TAF4B: variants seen among roughly 807,000 people sequenced by gnomAD.
TAF4B encodes the protein transcription initiation factor TFIID subunit 4B.
Under a neutral mutation model 86.4 loss-of-function variants are expected in TAF4B, and 38 were observed. The ratio of observed to expected loss-of-function variants is 0.44; its 90% CI spans 0.34 to 0.58. The LOEUF is 0.58. Among genes scored for constraint, TAF4B ranks in the 20% least tolerant of loss-of-function variants. The probability of loss-of-function intolerance (pLI) is 0.02; values close to 1 mark genes in which losing one functional copy is unlikely to be tolerated. For missense variants in TAF4B, 988 were observed against 1,027.6 expected (o/e 0.96, Z 0.53); for synonymous variants, 388 against 391.2 (o/e 0.99, Z 0.10).
At chr18:26,240,778 A>G (rs2055825040) in intron 1 of TAF4B, among the ~76,000 whole-genome samples, 1 of 152,176 alleles carries the variant, frequency 6.6e-6, no homozygotes, top group Non-Finnish European at 1.5e-5. Flanking sequence ...TAACTTATTG[A>G]GAGTTTTTAG....
intron 9 of TAF4B, among the ~76,000 whole-genome samples, chr18:26,293,906 T>C (rs1366573674): frequency 2.0e-5 from 3 of 152,176 alleles, no homozygotes; most frequent in African/African-American, 4.8e-5. Flanking sequence ...CGTTATTATG[T>C]ACCCTTTTGC....
At chr18:26,255,321 A>G (rs1448995375) in intron 1 of TAF4B, among the ~76,000 whole-genome samples, 19 of 152,152 alleles carry the variant, frequency 1.2e-4, no homozygotes, top group Admixed American at 1.2e-3. Flanking sequence ...GACTGGGGGA[A>G]ATCAACCCAT....
chr18:26,226,723 A>C lies in TAF4B; in HGVS notation c.-211A>C. ...GCGGGTGTCGCTCCGGGGGCAGCCC[A>C]GGCTCGCGCGGACGAGAGGAAGGTC... On this transcript the variant is annotated 5_prime_UTR_variant, in exon 1 of 15. Transcript: ENST00000269142. 1 of 427,722 alleles carries C rather than the reference A, an allele frequency of 2.3e-6. No homozygotes were observed. Among genetic ancestry groups the C allele is most frequent in the Non-Finnish European group, 4.0e-6 (1 of 247,178 alleles). 26.5% of individuals were successfully genotyped at this position (427,722 alleles called of 1,614,324 possible). A position where few individuals can be genotyped will look rare whatever the true frequency, so the allele number is the denominator to read the frequency against.
At chr18:26,279,223 A>G (rs1253789624) in intron 5 of TAF4B, among the ~76,000 whole-genome samples, 2 of 152,184 alleles carry the variant, frequency 1.3e-5, no homozygotes, top group Non-Finnish European at 1.5e-5. Flanking sequence ...TCTATACACC[A>G]AAAATGTTCT....
At position 26,328,919 on chromosome 18, in the gene TAF4B, T is replaced by C. The variant is rs188287919; in HGVS notation, c.2259+1779T>C. Among the ~76,000 whole-genome samples the C allele has an allele frequency of 4.7e-4, 71 of 152,022 alleles. 1 individual carries two copies. The East Asian group carries it at 0.012, about 25-fold the overall frequency. ...GACTGAGCCACCGTGTCCAGCCTTA[T>C]CTGTACCCTTTTCATTACCCTTTCT... On this transcript the variant is annotated intron_variant, in intron 12 of 14. Transcript: ENST00000269142.
chr18:26,377,662 G>A (rs182694475), intron 14 of TAF4B, among the ~76,000 whole-genome samples: 92 of 152,286 alleles, frequency 6.0e-4, no homozygotes, highest in African/African-American at 2.0e-3. Flanking sequence ...ATACCCAGGC[G>A]TTTTGTTGTT....
intron 12 of TAF4B, among the ~76,000 whole-genome samples, chr18:26,333,272 G>A (rs1461127370): frequency 6.6e-6 from 1 of 151,416 alleles, no homozygotes; most frequent in Non-Finnish European, 1.5e-5. Context: ...CCAGGCTGGA[G>A]TGCAGTGGCC....
chr18:26,330,524 A>G (rs2057041769), intron 12 of TAF4B, among the ~76,000 whole-genome samples: 1 of 152,176 alleles, frequency 6.6e-6, no homozygotes, highest in African/African-American at 2.4e-5. Context: ...AACTGAGCTT[A>G]GGTCATACGG....
At chr18:26,388,858 C>T (rs1436778432) in intron 14 of TAF4B, among the ~76,000 whole-genome samples, 1 of 152,030 alleles carries the variant, frequency 6.6e-6, no homozygotes, top group African/African-American at 2.4e-5. Context: ...CTCTGTTGCC[C>T]AGGCAGGAAT....
chr18:26,355,710 A>G (rs1241359385), intron 13 of TAF4B, among the ~76,000 whole-genome samples: 2 of 152,194 alleles, frequency 1.3e-5, no homozygotes, highest in Non-Finnish European at 2.9e-5. Context: ...TGGTTTGACT[A>G]TCTTGCAGAT....
At chr18:26,282,912 A>G (rs1360288867) in intron 6 of TAF4B, among the ~76,000 whole-genome samples, 1 of 152,220 alleles carries the variant, frequency 6.6e-6, no homozygotes, top group Non-Finnish European at 1.5e-5. Flanking sequence ...TTCTTTGCTC[A>G]TCTGTAAGAA....
intron 7 of TAF4B, among the ~76,000 whole-genome samples, chr18:26,287,859 G>C (rs1034727360): frequency 6.6e-6 from 1 of 152,224 alleles, no homozygotes; most frequent in African/African-American, 2.4e-5. Flanking sequence ...GAATTGGAGA[G>C]TAGTCAGACT....
intron 11 of TAF4B, among the ~76,000 whole-genome samples, chr18:26,325,984 T>C (rs1259695320): frequency 6.6e-6 from 1 of 152,228 alleles, no homozygotes; most frequent in Non-Finnish European, 1.5e-5. Flanking sequence ...GAATCAACCA[T>C]AAGCAGGGGG....
At chr18:26,267,243 G>A (rs2056252567) in intron 2 of TAF4B, 1 of 253,892 alleles carries the variant, frequency 3.9e-6, no homozygotes, top group African/African-American at 2.2e-5. Flanking sequence ...AGATTTTAAT[G>A]TTGAATACTG....
intron 14 of TAF4B, among the ~76,000 whole-genome samples, chr18:26,372,016 C>T (rs1031182176): frequency 7.9e-5 from 12 of 152,112 alleles, no homozygotes; most frequent in African/African-American, 1.7e-4. Flanking sequence ...CCCAAAACAC[C>T]GTTGTTTTCC....
intron 1 of TAF4B, chr18:26,255,749 C>G: frequency 6.3e-7 from 1 of 1,591,116 alleles, no homozygotes; most frequent in Non-Finnish European, 8.6e-7. Context: ...CCTCTGGCTT[C>G]TCGGCAGCTG....
intron 1 of TAF4B, among the ~76,000 whole-genome samples, chr18:26,241,562 G>C (rs202071393): frequency 3.4e-4 from 51 of 152,018 alleles, no homozygotes; most frequent in Admixed American, 2.8e-3. Context: ...TTTTTTTGAA[G>C]GGTTTTTTGT....
At chr18:26,308,245 AAG>A (rs538211929) in intron 9 of TAF4B, among the ~76,000 whole-genome samples, 30 of 152,288 alleles carry the variant, frequency 2.0e-4, no homozygotes, top group Middle Eastern at 3.4e-3. Flanking sequence ...CTTAATAAAA[AAG>A]AGAGAGAGAA....
intron 6 of TAF4B, among the ~76,000 whole-genome samples, chr18:26,282,549 A>G (rs938430858): frequency 1.3e-5 from 2 of 152,236 alleles, no homozygotes; most frequent in African/African-American, 4.8e-5. Context: ...TCAGCAAGTT[A>G]TAATATTTTT....
Sources: allele counts gnomAD v4.1 joint callset (sites outside exome capture counted in the v4.1 genomes callset), GRCh38; gene constraint gnomAD v4.1.1; transcripts MANE v1.5; gene names NCBI Gene and HGNC (gene_info 2026-07-23, HGNC 2026-07-21).